Variants in ABCA13 observed in about 807,000 individuals in gnomAD.
ABCA13 encodes the protein ATP-binding cassette sub-family A member 13.
In ABCA13, 476 loss-of-function variants were observed where a neutral mutation model predicts 478.7. The ratio of observed to expected loss-of-function variants is 0.99; its 90% CI spans 0.92 to 1.07. ABCA13 has a LOEUF of 1.07. Ranked by LOEUF, ABCA13 falls within the 50% of genes least tolerant of loss-of-function variation. The pLI, the probability that ABCA13 is intolerant of heterozygous loss-of-function variation, is 0.00. For missense variants in ABCA13, 6,060 were observed against 5,910.6 expected, an observed-to-expected ratio of 1.03 and a Z score of -0.83; for synonymous variants, 2,252 against 2,158.9, an observed-to-expected ratio of 1.04 and a Z score of -1.20.
chr7:48,254,374 T>C (rs1307270881), intron 15 of ABCA13, among the ~76,000 whole-genome samples: 1 of 152,084 alleles, frequency 6.6e-6, no homozygotes, highest in Non-Finnish European at 1.5e-5. Flanking sequence ...AGTGATCCTT[T>C]TGTCTCAGTC....
At position 48,464,880 on chromosome 7, in the gene ABCA13, C is replaced by T. The variant is rs116345037; in HGVS notation, c.12816-2076C>T. Among the ~76,000 whole-genome samples the T allele has an allele frequency of 8.3e-3, 1,267 of 152,276 alleles. 25 individuals are homozygous for T. The highest frequency in any genetic ancestry group is 0.029 in the African/African-American group (1,216 of 41,538). ...CCAGTGAAGATGTATACTAAGGCCACCAGGCAGGACAAATGGAGCAGAGGA... is the reference window on the plus strand; with the variant it reads ...CCAGTGAAGATGTATACTAAGGCCATCAGGCAGGACAAATGGAGCAGAGGA... On this transcript the variant is annotated intron_variant, in intron 43 of 61. Coordinates refer to ENST00000435803, the MANE Select transcript of ABCA13 (RefSeq NM_152701.5).
At chr7:48,246,931 A>C (rs182779851) in intron 13 of ABCA13, among the ~76,000 whole-genome samples, 2 of 152,208 alleles carry the variant, frequency 1.3e-5, no homozygotes, top group Admixed American at 6.5e-5. Context: ...GATGCTAAGC[A>C]GGCAGAAAAT....
chr7:48,274,502 C>T lies in ABCA13; in HGVS notation c.4836C>T (p.Leu1612=), dbSNP rs1796035441. Residue 1612 remains leucine (L), a synonymous_variant, in exon 17 of 62, where the codon CTC becomes CTT. Transcript: ENST00000435803. ...TTGCCTTCAGCTTATCTCATGACCT[C>T]CAAAATTCACCAAAAATAATAATTT... ...SYLAFSLSHD[L]QNSPKIIISP... is the part of the protein sequence containing the mutation. 5 of 1,613,790 alleles carry T rather than the reference C, an allele frequency of 3.1e-6. No homozygotes were observed. The highest frequency in any genetic ancestry group is 1.6e-4 in the Middle Eastern group (1 of 6,062).
Position 48,403,849 on chromosome 7 carries a change from C to T in ABCA13, c.12040C>T (p.Leu4014=). Residue 4014 remains leucine, a synonymous_variant, in exon 39 of 62, where the codon CTG becomes TTG. Coordinates refer to ENST00000435803, the MANE Select transcript of ABCA13 (RefSeq NM_152701.5). Reference sequence around the variant, plus strand: ...GGTGGACCCTTGCTCCCGGCATAGCCTGTGGGACATTCTGCTCAAGTACCG... The same window carrying T: ...GGTGGACCCTTGCTCCCGGCATAGCTTGTGGGACATTCTGCTCAAGTACCG... ...SGVDPCSRHS[L]WDILLKYREG... 2 of 1,613,614 alleles carry T rather than the reference C, an allele frequency of 1.2e-6. No individual in the cohort carries two copies. Among genetic ancestry groups the T allele is most frequent in the South Asian group, 1.1e-5 (1 of 91,004 alleles).
chr7:48,230,085 T>C lies in ABCA13; in HGVS notation c.763+130T>C, dbSNP rs1584325321. 9 of 1,139,132 alleles carry C rather than the reference T, an allele frequency of 7.9e-6. No homozygotes were observed. The East Asian group carries it at 2.2e-4, about 27-fold the overall frequency. 70.6% of individuals were successfully genotyped at this position (1,139,132 alleles called of 1,614,324 possible). Reference sequence around the variant, plus strand: ...AATTTCAAATTCAAAAAAGTATGAATTGTTTCTGTTAATACAAGACAAAAA... The same window carrying C: ...AATTTCAAATTCAAAAAAGTATGAACTGTTTCTGTTAATACAAGACAAAAA... On this transcript the variant is annotated intron_variant, in intron 7 of 61. Coordinates refer to ENST00000435803, the MANE Select transcript of ABCA13 (RefSeq NM_152701.5).
intron 41 of ABCA13, among the ~76,000 whole-genome samples, chr7:48,412,944 T>G (rs1216816633): frequency 6.6e-6 from 1 of 151,634 alleles, no homozygotes; most frequent in South Asian, 2.1e-4. Context: ...CCTGAGTAGC[T>G]GGGAATACAG....
At chr7:48,334,394 G>A (rs967529061) in intron 27 of ABCA13, among the ~76,000 whole-genome samples, 1 of 151,582 alleles carries the variant, frequency 6.6e-6, no homozygotes, top group East Asian at 1.9e-4. Flanking sequence ...GAGCACAGTG[G>A]TGCAATCTTG....
intron 45 of ABCA13, among the ~76,000 whole-genome samples, chr7:48,475,908 T>C (rs1354677790): frequency 6.6e-6 from 1 of 152,174 alleles, no homozygotes; most frequent in African/African-American, 2.4e-5. Flanking sequence ...TTGAGCTAAC[T>C]CTAAAGAACA....
At chr7:48,302,626 T>C (rs1305588864) in intron 23 of ABCA13, among the ~76,000 whole-genome samples, 1 of 152,248 alleles carries the variant, frequency 6.6e-6, no homozygotes, top group African/African-American at 2.4e-5. Flanking sequence ...GTTCATTTGC[T>C]GACGATAATG....
Position 48,646,087 on chromosome 7 carries a change from A to G in ABCA13, c.*575A>G, listed in dbSNP as rs1229137341. On this transcript the variant is annotated 3_prime_UTR_variant, in exon 62 of 62. Coordinates refer to ENST00000435803, the MANE Select transcript of ABCA13 (RefSeq NM_152701.5). The stretch of plus-strand genomic sequence containing the variant: ...AAAATCACCAATTTTTTACATATAA[A>G]AGATACCTTTTTAAAAAAATAGGTT... 6.6e-6 allele frequency: 1 copy of G among 152,332 alleles called. No individual in the cohort carries two copies. The highest frequency in any genetic ancestry group is 1.9e-4 in the East Asian group (1 of 5,200). The allele number at this position is 152,332 out of a possible 1,614,324, so 9.4% of individuals were successfully genotyped here.
chr7:48,326,705 A>AT (rs1368076988), intron 27 of ABCA13, among the ~76,000 whole-genome samples: 1 of 152,048 alleles, frequency 6.6e-6, no homozygotes, highest in Non-Finnish European at 1.5e-5. Context: ...CCAATGTTTT[A>AT]TTTTTTCTGT....
intron 55 of ABCA13, among the ~76,000 whole-genome samples, chr7:48,558,477 T>C (rs1205378901): frequency 6.6e-6 from 1 of 151,940 alleles, no homozygotes; most frequent in East Asian, 1.9e-4. Context: ...TTGTATTTTT[T>C]AGTCAAGATG....
Position 48,271,932 on chromosome 7 carries a change from AG to A in ABCA13, c.2267del (p.Ser756IlefsTer13). On this transcript the variant is annotated frameshift_variant, in exon 17 of 62. Transcript: ENST00000435803. LOFTEE classifies it high-confidence loss of function. ...TCTTTTTGACTCCTCCATTGTTCCC[AG>A]TTTCCACAGCCTCCCATCTCTCACA... is the stretch of plus-strand genomic sequence containing the variant. Reference protein sequence around the residue: ...PNLFDSSIVPSFHSLPSLTED... With the variant: ...PNLFDSSIVPXFHSLPSLTED... 1 of 1,613,582 alleles carries A rather than the reference AG, an allele frequency of 6.2e-7. No individual in the cohort carries two copies. The highest frequency in any genetic ancestry group is 8.5e-7 in the Non-Finnish European group (1 of 1,179,714).
chr7:48,331,309 A>T (rs1344815252), intron 27 of ABCA13, among the ~76,000 whole-genome samples: 1 of 152,232 alleles, frequency 6.6e-6, no homozygotes, highest in Non-Finnish European at 1.5e-5. Context: ...ATAAAATGGA[A>T]ATAAGACTTT....
chr7:48,382,497 A>C (rs771943567), intron 35 of ABCA13, among the ~76,000 whole-genome samples: 7 of 152,198 alleles, frequency 4.6e-5, no homozygotes, highest in Non-Finnish European at 7.3e-5. Context: ...TAGGCAGATA[A>C]AATACAGGGC....
At chr7:48,342,606 T>G in intron 29 of ABCA13, among the ~76,000 whole-genome samples, 1 of 152,168 alleles carries the variant, frequency 6.6e-6, no homozygotes, top group East Asian at 1.9e-4. Flanking sequence ...CTTGAATCAG[T>G]GGCCAAATAT....
intron 59 of ABCA13, among the ~76,000 whole-genome samples, chr7:48,618,903 G>A (rs1792863772): frequency 6.6e-6 from 1 of 152,168 alleles, no homozygotes; most frequent in Admixed American, 6.5e-5. Context: ...GCTCTGGGAG[G>A]GGCAGTTCTT....
intron 33 of ABCA13, among the ~76,000 whole-genome samples, chr7:48,373,665 A>G (rs1205632957): frequency 6.6e-6 from 1 of 152,168 alleles, no homozygotes; most frequent in East Asian, 1.9e-4. Context: ...CCTTCCCCAT[A>G]TACTCCTTGT....
intron 55 of ABCA13, among the ~76,000 whole-genome samples, chr7:48,563,640 G>C (rs1786691755): frequency 6.6e-6 from 1 of 152,106 alleles, no homozygotes; most frequent in Non-Finnish European, 1.5e-5. Context: ...TCCCCCATGA[G>C]GCCTGTCAGG....
Sources: allele counts gnomAD v4.1 joint callset (sites outside exome capture counted in the v4.1 genomes callset), GRCh38; gene constraint gnomAD v4.1.1; transcripts MANE v1.5; gene names NCBI Gene and HGNC (gene_info 2026-07-23, HGNC 2026-07-21).